The following MPDZ variants were observed in gnomAD, a reference collection of about 807,000 sequenced individuals.
MPDZ encodes the protein multiple PDZ domain protein.
A neutral mutation model predicts 239.1 loss-of-function variants in MPDZ; 234 were observed. That is an observed-to-expected ratio of 0.98 (90% confidence interval 0.88 to 1.09). The LOEUF is 1.09. MPDZ is among the 50% of genes least tolerant of loss of function. The probability of loss-of-function intolerance (pLI) is 0.00; values close to 1 mark genes in which losing one functional copy is unlikely to be tolerated. For synonymous variants in MPDZ, 1,048 were observed against 881.3 expected (o/e 1.19, Z -3.35); for missense variants, 3,175 against 2,510.0 (o/e 1.26, Z -5.66).
At chr9:13,110,137 A>G in intron 44 of MPDZ, 73 bp from the exon 45 acceptor site, 1 of 977,014 alleles carries the variant, frequency 1.0e-6, no homozygotes, top group Non-Finnish European at 1.5e-6. Context: ...TTCTTCAGAA[A>G]GAGCACTTGG....
chr9:13,114,013 T>A lies in MPDZ; in HGVS notation c.5475A>T (p.Glu1825Asp). 6.3e-7 allele frequency: 1 copy of A among 1,590,738 alleles called. No homozygotes were observed. Among genetic ancestry groups the A allele is most frequent in the Non-Finnish European group, 8.6e-7 (1 of 1,167,502 alleles). ...GAAAAGTGAAAGATGACAGGCTGCC[T>A]TCACTCACCTACAAATATACAACAA... ...RRPSQSSQVSEGSLSSFTFPL... is the reference protein window; with the variant it reads ...RRPSQSSQVSDGSLSSFTFPL... The change falls in exon 41 of 47, where the codon GAA becomes GAT. Residue 1825 changes from glutamate to aspartate, a missense_variant. Physicochemically the swap from Glu to Asp is conservative, Grantham distance 45. Transcript: ENST00000319217.
In MPDZ at chr9:13,206,001, T is replaced by G; in HGVS notation, c.1389A>C (p.Gly463=). 6.2e-7 allele frequency: 1 copy of G among 1,612,884 alleles called. No homozygotes were observed. Among genetic ancestry groups the G allele is most frequent in the East Asian group, 2.2e-5 (1 of 44,720 alleles). Residue 463 remains glycine (G), a synonymous_variant, in exon 11 of 47, where the codon GGA becomes GGC. Coordinates refer to ENST00000319217, the MANE Select transcript of MPDZ (RefSeq NM_001378778.1). ...ACATGAGCTCGGCTTCCTGCTTCAT[T>G]CCTCTCCTCATTAGTGTCAGGAGCA... ...QTVLLTLMRR[G]MKQEAELMSR...
chr9:13,111,699 A>G (rs1239758195), intron 43 of MPDZ, among the ~76,000 whole-genome samples: 2 of 152,216 alleles, frequency 1.3e-5, no homozygotes, highest in African/African-American at 2.4e-5. Context: ...AATCAAATAT[A>G]TAAGATAAAA....
chr9:13,277,583 G>C (rs976887820), intron 1 of MPDZ, among the ~76,000 whole-genome samples: 5 of 151,934 alleles, frequency 3.3e-5, no homozygotes, highest in Admixed American at 3.3e-4. Flanking sequence ...CTTATTTATT[G>C]AGTCAGAGTC....
Position 13,150,569 on chromosome 9 carries a change from A to G in MPDZ, c.3572T>C (p.Leu1191Pro), listed in dbSNP as rs766301278. The G allele has an allele frequency of 6.4e-7, 1 of 1,570,272 alleles. No homozygotes were observed. Among genetic ancestry groups the G allele is most frequent in the Non-Finnish European group, 8.6e-7 (1 of 1,156,550 alleles). Residue 1191 changes from leucine (L) to proline (P), a missense_variant, in exon 25 of 47, where the codon CTG (leucine) becomes CCG (proline). Physicochemically the swap from Leu to Pro is moderately conservative, Grantham distance 98. Coordinates refer to ENST00000319217, the MANE Select transcript of MPDZ (RefSeq NM_001378778.1). ...VMRGIFIKHV[L>P]EDSPAGKNGT... Reference sequence around the variant, plus strand: ...ATTTTTGCCAGCTGGACTATCTTCCAGAACATGTTTGATGAAAATGCCCCT... The same window carrying G: ...ATTTTTGCCAGCTGGACTATCTTCCGGAACATGTTTGATGAAAATGCCCCT...
intron 18 of MPDZ, among the ~76,000 whole-genome samples, chr9:13,184,538 T>G (rs929940247): frequency 2.6e-4 from 39 of 152,034 alleles, no homozygotes; most frequent in South Asian, 6.2e-4. Flanking sequence ...TTGAAGTGAT[T>G]TTCTCTTCAA....
chr9:13,273,854 G>T (rs1034597195), intron 1 of MPDZ, among the ~76,000 whole-genome samples: 1 of 152,064 alleles, frequency 6.6e-6, no homozygotes, highest in Non-Finnish European at 1.5e-5. Flanking sequence ...TACATGCCAC[G>T]TGGTAGTGAA....
chr9:13,121,992 G>A, intron 37 of MPDZ, 60 bp from the exon 38 acceptor site: 2 of 1,596,478 alleles, frequency 1.3e-6, no homozygotes, highest in South Asian at 2.2e-5. Flanking sequence ...AGTTAGGTGG[G>A]GAAGGGAAGA....
Position 13,175,892 on chromosome 9 carries a change from G to A in MPDZ, c.2932-17C>T, listed in dbSNP as rs148104023. ...CTCAGAGCCCTTTAAGAAAGAAAAA[G>A]AAGTCACAAGTCACATGGAAAGGGA... is the stretch of plus-strand genomic sequence containing the variant. On this transcript the variant is annotated splice_polypyrimidine_tract_variant and intron_variant, in intron 20 of 46. Transcript: ENST00000319217. The A allele has an allele frequency of 2.1e-5, 33 of 1,576,366 alleles. No individual in the cohort carries two copies. The highest frequency in any genetic ancestry group is 2.8e-5 in the Non-Finnish European group (33 of 1,163,820).
chr9:13,272,155 A>G (rs959908094), intron 1 of MPDZ, among the ~76,000 whole-genome samples: 8 of 152,110 alleles, frequency 5.3e-5, no homozygotes, highest in African/African-American at 1.9e-4. Flanking sequence ...ATACCACAAT[A>G]AAACAGTTAA....
chr9:13,201,274 CATTACTT>C (rs1956354964), intron 12 of MPDZ, among the ~76,000 whole-genome samples: 1 of 151,948 alleles, frequency 6.6e-6, no homozygotes, highest in South Asian at 2.1e-4. Flanking sequence ...GAAATTTCTC[CATTACTT>C]CGCTAGAAAG....
At chr9:13,233,923 C>A (rs1010679641) in intron 3 of MPDZ, among the ~76,000 whole-genome samples, 1 of 152,180 alleles carries the variant, frequency 6.6e-6, no homozygotes, top group South Asian at 2.1e-4. Context: ...GTGGATTCAA[C>A]TGGCTAATTC....
Position 13,137,955 on chromosome 9 carries a change from AC to A in MPDZ, c.4200+1del. 6.2e-7 allele frequency: 1 copy of A among 1,613,474 alleles called. No homozygotes were observed. Among genetic ancestry groups the A allele is most frequent in the Non-Finnish European group, 8.5e-7 (1 of 1,179,664 alleles). Reference sequence around the variant, plus strand: ...AATTCAAAATTTTCCACAAAAACTTACCTCTAGAAGCTCATCTGCAATTTGC... The same window carrying A: ...AATTCAAAATTTTCCACAAAAACTTACTCTAGAAGCTCATCTGCAATTTGC... On this transcript the variant is annotated splice_donor_variant, in intron 29 of 46. Coordinates refer to ENST00000319217, the MANE Select transcript of MPDZ (RefSeq NM_001378778.1). LOFTEE classifies it high-confidence loss of function.
intron 3 of MPDZ, among the ~76,000 whole-genome samples, chr9:13,237,912 T>C (rs2137147397): frequency 6.6e-6 from 1 of 152,282 alleles, no homozygotes; most frequent in African/African-American, 2.4e-5. Flanking sequence ...CAATGAAATA[T>C]AAATTAAGCT....
intron 22 of MPDZ, chr9:13,165,541 C>T (rs1950974672): frequency 1.1e-6 from 1 of 905,596 alleles, no homozygotes; most frequent in Non-Finnish European, 1.6e-6. Flanking sequence ...TTCCCCCTTT[C>T]CACCTCCCTC....
chr9:13,174,252 T>C (rs535907025), intron 21 of MPDZ, among the ~76,000 whole-genome samples: 28 of 152,314 alleles, frequency 1.8e-4, no homozygotes, highest in Non-Finnish European at 3.8e-4. Context: ...ATGTACAATA[T>C]TTTAATGCCT....
At chr9:13,270,407 T>C (rs1289127792) in intron 1 of MPDZ, among the ~76,000 whole-genome samples, 1 of 152,140 alleles carries the variant, frequency 6.6e-6, no homozygotes, top group African/African-American at 2.4e-5. Flanking sequence ...TCTGACCTTA[T>C]AGCTTAGCTG....
chr9:13,117,429 G>T (rs1233552929), intron 39 of MPDZ, among the ~76,000 whole-genome samples: 2 of 151,854 alleles, frequency 1.3e-5, no homozygotes, highest in African/African-American at 4.8e-5. Context: ...TACTCAGGAG[G>T]CTGAGGCAGG....
At chr9:13,209,213 T>A (rs1957337955) in intron 10 of MPDZ, among the ~76,000 whole-genome samples, 1 of 152,172 alleles carries the variant, frequency 6.6e-6, no homozygotes, top group Admixed American at 6.5e-5. Flanking sequence ...AAGGCCATAC[T>A]AAGCTGGGTT....
Sources: gnomAD v4.1 joint callset for allele counts (sites outside exome capture counted in the v4.1 genomes callset) on GRCh38, gnomAD v4.1.1 for gene constraint, MANE v1.5 for transcripts, NCBI Gene and HGNC (gene_info 2026-07-23, HGNC 2026-07-21) for gene names.